PPM1H: variants seen among roughly 807,000 people sequenced by gnomAD.
PPM1H encodes the protein protein phosphatase, Mg2+/Mn2+ dependent 1H.
Under a neutral mutation model 54.9 loss-of-function variants are expected in PPM1H, and 27 were observed. That is an observed-to-expected ratio of 0.49 (90% CI 0.36 to 0.68). The LOEUF is 0.68. PPM1H is among the 30% of genes least tolerant of loss of function. The pLI is 0.00. For synonymous variants in PPM1H, 305 were observed against 270.8 expected, an observed-to-expected ratio of 1.13 and a Z score of -1.24; for missense variants, 596 against 667.8, an observed-to-expected ratio of 0.89 and a Z score of 1.19.
chr12:62,691,600 G>A (rs1243746990), intron 7 of PPM1H, among the ~76,000 whole-genome samples: 1 of 152,086 alleles, frequency 6.6e-6, no homozygotes, highest in Non-Finnish European at 1.5e-5. Context: ...AAGGCAGGAG[G>A]ATCACTTGAG....
intron 1 of PPM1H, among the ~76,000 whole-genome samples, chr12:62,864,983 G>T (rs543604972): frequency 6.6e-6 from 1 of 152,298 alleles, no homozygotes; most frequent in East Asian, 1.9e-4. Flanking sequence ...AATGAGAAAT[G>T]ATAAACTGCC....
intron 1 of PPM1H, among the ~76,000 whole-genome samples, chr12:62,840,993 A>G (rs1216738149): frequency 6.6e-6 from 1 of 152,124 alleles, no homozygotes; most frequent in Non-Finnish European, 1.5e-5. Context: ...GAGTAGGCGA[A>G]TGAACCGAGA....
Position 62,711,651 on chromosome 12 carries a change from A to T in PPM1H, c.1073+8520T>A, listed in dbSNP as rs368492512. ...TGTGACTCTGCTTAAGCGTATGTGG[A>T]TAATAGATATAAATGCTGTGAGTGT... On this transcript the variant is annotated intron_variant, in intron 6 of 9. Coordinates refer to ENST00000228705, the MANE Select transcript of PPM1H (RefSeq NM_020700.2). 3.9e-5 allele frequency among the ~76,000 whole-genome samples: 6 copies of T among 152,294 alleles called. No homozygotes were observed. In the East Asian group the frequency reaches 9.6e-4, roughly 24 times the overall value.
In PPM1H at chr12:62,926,816, T is replaced by G. The variant is rs1205858078; in HGVS notation, c.245+7676A>C. Among the ~76,000 whole-genome samples the G allele has an allele frequency of 1.6e-4, 25 of 152,186 alleles. No individual in the cohort carries two copies. The East Asian group carries it at 4.8e-3, about 30-fold the overall frequency. ...CTAAAAATACAAAATTAGCCAGGCA[T>G]GGTGGCGCATGCCTGTAATCCCAGC... On this transcript the variant is annotated intron_variant, in intron 1 of 9. Transcript: ENST00000228705.
chr12:62,919,237 T>A (rs889071263), intron 1 of PPM1H, among the ~76,000 whole-genome samples: 1 of 152,208 alleles, frequency 6.6e-6, no homozygotes, highest in East Asian at 1.9e-4. Context: ...GTTAAAATAG[T>A]GTTCCTGAGG....
chr12:62,695,744 T>C (rs2076111315), intron 6 of PPM1H, among the ~76,000 whole-genome samples: 1 of 152,176 alleles, frequency 6.6e-6, no homozygotes, highest in Admixed American at 6.5e-5. Flanking sequence ...CAAGCATCAA[T>C]TAACTACCAT....
rs763996259 is a variant in PPM1H at position 62,667,278 on chromosome 12, T to C, written c.1297A>G (p.Ile433Val). 6.2e-7 allele frequency: 1 copy of C among 1,607,860 alleles called. No individual in the cohort carries two copies. The highest frequency in any genetic ancestry group is 8.5e-7 in the Non-Finnish European group (1 of 1,174,882). Residue 433 changes from isoleucine to valine, a missense_variant, in exon 9 of 10, where the codon ATC (isoleucine) becomes GTC (valine). Physicochemically the swap from Ile to Val is conservative, Grantham distance 29 (BLOSUM62 3). Coordinates refer to ENST00000228705, the MANE Select transcript of PPM1H (RefSeq NM_020700.2). ...KYDHGSDDVL[I>V]LATDGLWDVL... is the part of the protein sequence containing the mutation. Reference sequence around the variant, plus strand: ...TCCCAGAGTCCATCAGTGGCCAAGATCAGCACATCATCTGATCCATGATCA... The same window carrying C: ...TCCCAGAGTCCATCAGTGGCCAAGACCAGCACATCATCTGATCCATGATCA...
chr12:62,898,682 G>A (rs1269763257), intron 1 of PPM1H, among the ~76,000 whole-genome samples: 1 of 152,090 alleles, frequency 6.6e-6, no homozygotes, highest in Non-Finnish European at 1.5e-5. Context: ...GCCTCAAAAA[G>A]GCAGCCAGTT....
intron 3 of PPM1H, among the ~76,000 whole-genome samples, chr12:62,796,289 AT>A (rs1235611526): frequency 6.6e-6 from 1 of 152,118 alleles, no homozygotes; most frequent in African/African-American, 2.4e-5. Context: ...ATTCCACACA[AT>A]TATGTACTTG....
At chr12:62,698,183 C>A (rs2076124151) in intron 6 of PPM1H, among the ~76,000 whole-genome samples, 1 of 152,012 alleles carries the variant, frequency 6.6e-6, no homozygotes, top group African/African-American at 2.4e-5. Flanking sequence ...GACAGCTGTA[C>A]CCCAAGTGTA....
intron 3 of PPM1H, among the ~76,000 whole-genome samples, chr12:62,792,315 A>AT (rs373051726): frequency 6.6e-6 from 1 of 151,950 alleles, no homozygotes. Context: ...GTGACTCAAT[A>AT]TTTTTTTTCT....
At chr12:62,915,995 A>G (rs568980189) in intron 1 of PPM1H, among the ~76,000 whole-genome samples, 1 of 151,728 alleles carries the variant, frequency 6.6e-6, no homozygotes, top group Non-Finnish European at 1.5e-5. Context: ...ACCCCTTCCC[A>G]TTTTCTCCAA....
intron 9 of PPM1H, chr12:62,659,122 A>G (rs1335173671): frequency 3.3e-5 from 24 of 735,164 alleles, no homozygotes; most frequent in Non-Finnish European, 5.8e-5. Flanking sequence ...ATCATTCACA[A>G]TGTTTCCTCC....
At chr12:62,791,363 TA>T (rs1314592796) in intron 3 of PPM1H, among the ~76,000 whole-genome samples, 9 of 152,162 alleles carry the variant, frequency 5.9e-5, no homozygotes, top group Non-Finnish European at 1.0e-4. Context: ...GATGCCTGTT[TA>T]ACCTCCAAGA....
chr12:62,918,602 G>A (rs1456601551), intron 1 of PPM1H, among the ~76,000 whole-genome samples: 1 of 152,108 alleles, frequency 6.6e-6, no homozygotes, highest in African/African-American at 2.4e-5. Flanking sequence ...TCCATTTTGA[G>A]TATTTTTCCC....
At chr12:62,855,347 AACT>A (rs1869344246) in intron 1 of PPM1H, among the ~76,000 whole-genome samples, 1 of 152,192 alleles carries the variant, frequency 6.6e-6, no homozygotes. Context: ...ACGTCCAACA[AACT>A]ACTAAGTCTA....
rs139950220 is a variant in PPM1H, at chr12:62,837,493, T to C, written c.246-5214A>G. 3.0e-3 allele frequency among the ~76,000 whole-genome samples: 459 copies of C among 152,176 alleles called. 2 individuals are homozygous for C. Among genetic ancestry groups the C allele is most frequent in the African/African-American group, 0.01 (435 of 41,500 alleles). ...GGTGGCAAAGTCACTCAACACCAAC[T>C]CTCTCTCCCTCCCCACCATGAGGCA... On this transcript the variant is annotated intron_variant, in intron 1 of 9. Transcript: ENST00000228705.
At chr12:62,711,614 G>A (rs1289068115) in intron 6 of PPM1H, among the ~76,000 whole-genome samples, 1 of 152,174 alleles carries the variant, frequency 6.6e-6, no homozygotes, top group Non-Finnish European at 1.5e-5. Flanking sequence ...ACCAGTCACA[G>A]GGGAAGCGCC....
intron 4 of PPM1H, among the ~76,000 whole-genome samples, chr12:62,741,201 C>T (rs566067816): frequency 6.6e-5 from 10 of 152,212 alleles, no homozygotes; most frequent in African/African-American, 2.4e-4. Context: ...CTTTTCTCAC[C>T]CCATATGTCC....
Sources: gnomAD v4.1 joint callset for allele counts (sites outside exome capture counted in the v4.1 genomes callset) on GRCh38, gnomAD v4.1.1 for gene constraint, MANE v1.5 for transcripts, NCBI Gene and HGNC (gene_info 2026-07-23, HGNC 2026-07-21) for gene names.